Variants in OTOGL observed in about 807,000 individuals in gnomAD.
The protein encoded by OTOGL is otogelin-like protein.
OTOGL carries 285 observed loss-of-function variants against 318.5 expected under a neutral mutation model. The ratio of observed to expected loss-of-function variants is 0.89; its 90% CI spans 0.81 to 0.99. The LOEUF is 0.99. Among genes scored for constraint, OTOGL ranks in the 50% least tolerant of loss-of-function variants. The pLI, the probability that OTOGL is intolerant of heterozygous loss-of-function variation, is 0.00. For missense variants in OTOGL, 2,899 were observed against 2,845.6 expected (o/e 1.02, Z -0.43); for synonymous variants, 987 against 936.5 (o/e 1.05, Z -0.99).
intron 1 of OTOGL, among the ~76,000 whole-genome samples, chr12:80,161,388 G>A: frequency 6.6e-6 from 1 of 152,162 alleles, no homozygotes; most frequent in East Asian, 1.9e-4. Context: ...ATATTGATAA[G>A]AAATTGAGAA....
At chr12:80,178,088 A>G (rs1341912461) in intron 1 of OTOGL, among the ~76,000 whole-genome samples, 11 of 106,880 alleles carry the variant, frequency 1.0e-4, no homozygotes, top group African/African-American at 3.6e-4. Context: ...TTTTTGAGAC[A>G]GAGTCTCTGT....
At chr12:80,341,812 AG>A in intron 43 of OTOGL, 135 bp from the exon 44 acceptor site, 1 of 643,450 alleles carries the variant, frequency 1.6e-6, no homozygotes, top group Non-Finnish European at 2.6e-6. Context: ...TCAATGTAAA[AG>A]TTCAAGGATA....
intron 52 of OTOGL, among the ~76,000 whole-genome samples, chr12:80,362,080 T>G (rs1412073874): frequency 2.0e-5 from 3 of 152,190 alleles, no homozygotes; most frequent in Admixed American, 6.5e-5. Flanking sequence ...GAGCTTTTCC[T>G]CTATATTTTC....
chr12:80,210,091 G>A (rs1877134409), intron 2 of OTOGL, among the ~76,000 whole-genome samples: 1 of 151,496 alleles, frequency 6.6e-6, no homozygotes, highest in Admixed American at 6.6e-5. Context: ...TTTTTATTAT[G>A]GAAAGCTTAT....
At chr12:80,283,258 A>G (rs192125807) in intron 26 of OTOGL, among the ~76,000 whole-genome samples, 91 of 152,088 alleles carry the variant, frequency 6.0e-4, no homozygotes, top group African/African-American at 2.2e-3. Context: ...CTTCTTAAGA[A>G]CTACAGTGAC....
intron 1 of OTOGL, among the ~76,000 whole-genome samples, chr12:80,148,633 A>T (rs922375643): frequency 6.6e-6 from 1 of 152,084 alleles, no homozygotes; most frequent in Admixed American, 6.5e-5. Context: ...CTCCTGCATA[A>T]TATCCTGCAG....
At chr12:80,326,725 A>C (rs975002976) in intron 35 of OTOGL, among the ~76,000 whole-genome samples, 1 of 152,228 alleles carries the variant, frequency 6.6e-6, no homozygotes, top group African/African-American at 2.4e-5. Flanking sequence ...ATAATTAGTT[A>C]TATAAGCTAA....
intron 18 of OTOGL, among the ~76,000 whole-genome samples, chr12:80,260,451 A>T (rs529313677): frequency 6.6e-6 from 1 of 152,184 alleles, no homozygotes; most frequent in East Asian, 1.9e-4. Flanking sequence ...CCTCTTTCTA[A>T]GGCACCAGTC....
Position 80,320,503 on chromosome 12 carries a change from AG to A in OTOGL, c.3885del (p.Glu1295AspfsTer65), listed in dbSNP as rs2137832096. 6.2e-7 allele frequency: 1 copy of A among 1,613,622 alleles called. No homozygotes were observed. The highest frequency in any genetic ancestry group is 1.1e-5 in the South Asian group (1 of 91,078). On this transcript the variant is annotated frameshift_variant, in exon 34 of 59. Coordinates refer to ENST00000547103, the MANE Select transcript of OTOGL (RefSeq NM_001378609.3). LOFTEE classifies it high-confidence loss of function. ...CATGACAATGATACTCTTAGCTTGGAGCTGTGGGAGGCGAATTCAGCCTTTC... is the reference window on the plus strand; with the variant it reads ...CATGACAATGATACTCTTAGCTTGGACTGTGGGAGGCGAATTCAGCCTTTC... ...YVHDNDTLSL[E>X]LWEANSAFHR...
At position 80,279,184 on chromosome 12, in the gene OTOGL, AT is replaced by A; in HGVS notation, c.2928+23del. 2 of 1,570,318 alleles carry A rather than the reference AT, an allele frequency of 1.3e-6. No individual in the cohort carries two copies. The highest frequency in any genetic ancestry group is 8.6e-7 in the Non-Finnish European group (1 of 1,164,682). ...TGATAAAGGTAGGTCACAGTTACAC[AT>A]TTTTATTTGCATTCGTGTAAAGATT... On this transcript the variant is annotated intron_variant, in intron 26 of 58. Coordinates refer to ENST00000547103, the MANE Select transcript of OTOGL (RefSeq NM_001378609.3).
At chr12:80,302,835 T>C (rs997081187) in intron 28 of OTOGL, 52 bp downstream of exon 28, 8 of 1,313,340 alleles carry the variant, frequency 6.1e-6, no homozygotes, top group Non-Finnish European at 5.9e-6. Context: ...TCACATTTAG[T>C]TTTTGATGTT....
Position 80,302,762 on chromosome 12 carries a change from C to A in OTOGL, c.3192C>A (p.Ile1064=). 2 of 1,515,330 alleles carry A rather than the reference C, an allele frequency of 1.3e-6. No individual in the cohort carries two copies. Among genetic ancestry groups the A allele is most frequent in the South Asian group, 1.3e-5 (1 of 74,344 alleles). The allele number at this position is 1,515,330 out of a possible 1,614,324, so 93.9% of individuals were successfully genotyped here. A position where few individuals can be genotyped will look rare whatever the true frequency, so the allele number is the denominator to read the frequency against. The change falls in exon 28 of 59, where the codon ATC becomes ATA. Residue 1064 remains isoleucine, a synonymous_variant. Coordinates refer to ENST00000547103, the MANE Select transcript of OTOGL (RefSeq NM_001378609.3). ...ILWDRKTTIH[I]KVGPQWKNKL... is the part of the protein sequence containing the mutation. Reference sequence around the variant, plus strand: ...GGGATAGGAAGACAACTATTCATATCAAAGTTGGGCCACAGTGGAAGGTAG... The same window carrying A: ...GGGATAGGAAGACAACTATTCATATAAAAGTTGGGCCACAGTGGAAGGTAG...
intron 1 of OTOGL, among the ~76,000 whole-genome samples, chr12:80,144,765 G>C (rs1187284999): frequency 6.6e-6 from 1 of 152,126 alleles, no homozygotes; most frequent in Non-Finnish European, 1.5e-5. Context: ...GTGTGAGATG[G>C]TATCTCATTG....
At chr12:80,147,583 G>C (rs983954229) in intron 1 of OTOGL, among the ~76,000 whole-genome samples, 2 of 151,958 alleles carry the variant, frequency 1.3e-5, no homozygotes, top group Non-Finnish European at 2.9e-5. Context: ...GCTTGGTGCA[G>C]AGCTGAGTTT....
At chr12:80,314,455 T>G (rs1397071584) in intron 32 of OTOGL, 124 bp downstream of exon 32, 1 of 314,638 alleles carries the variant, frequency 3.2e-6, no homozygotes, top group Non-Finnish European at 5.8e-6. Flanking sequence ...TATAACTCCA[T>G]AAAAGCTTTT....
At chr12:80,218,081 G>A (rs553820512) in intron 5 of OTOGL, among the ~76,000 whole-genome samples, 2 of 152,178 alleles carry the variant, frequency 1.3e-5, no homozygotes, top group East Asian at 1.9e-4. Context: ...ATCCTCACTA[G>A]TTTTCATTTG....
At chr12:80,136,157 G>A (rs528852913) in intron 1 of OTOGL, among the ~76,000 whole-genome samples, 71 of 152,034 alleles carry the variant, frequency 4.7e-4, no homozygotes, top group African/African-American at 1.7e-3. Flanking sequence ...TTTTTTTGTG[G>A]AAATGTCTGT....
chr12:80,261,357 G>T (rs367650848), intron 18 of OTOGL, among the ~76,000 whole-genome samples: 41 of 152,086 alleles, frequency 2.7e-4, no homozygotes, highest in Non-Finnish European at 4.9e-4. Flanking sequence ...GGGTGGAATT[G>T]CAGTGTTTGT....
intron 1 of OTOGL, among the ~76,000 whole-genome samples, chr12:80,156,129 C>T (rs1004353213): frequency 9.2e-5 from 14 of 152,172 alleles, no homozygotes; most frequent in East Asian, 1.9e-4. Context: ...CCGTGGACTG[C>T]GAAAGGCAGA....
Sources: allele counts gnomAD v4.1 joint callset (sites outside exome capture counted in the v4.1 genomes callset), GRCh38; gene constraint gnomAD v4.1.1; transcripts MANE v1.5; gene names NCBI Gene and HGNC (gene_info 2026-07-23, HGNC 2026-07-21).